The following CSMD1 variants were observed in gnomAD, a reference collection of about 807,000 sequenced individuals.
CSMD1 encodes the protein CUB and sushi domain-containing protein 1.
In CSMD1, 213 loss-of-function variants were observed where a neutral mutation model predicts 417.5. The ratio of observed to expected loss-of-function variants is 0.51; its 90% CI spans 0.46 to 0.57. The LOEUF is 0.57. Among genes scored for constraint, CSMD1 ranks in the 20% least tolerant of loss-of-function variants. CSMD1 has a pLI of 0.00. For synonymous variants in CSMD1, 2,862 were observed against 1,736.8 expected, an observed-to-expected ratio of 1.65 and a Z score of -16.11; for missense variants, 6,923 against 4,529.7, an observed-to-expected ratio of 1.53 and a Z score of -15.17.
At chr8:4,365,992 T>C (rs1273179026) in intron 3 of CSMD1, among the ~76,000 whole-genome samples, 1 of 152,176 alleles carries the variant, frequency 6.6e-6, no homozygotes, top group Non-Finnish European at 1.5e-5. Context: ...AAACTGTGTG[T>C]TGTTGAGGCT....
At chr8:3,707,424 C>G (rs892036093) in intron 7 of CSMD1, among the ~76,000 whole-genome samples, 3 of 152,226 alleles carry the variant, frequency 2.0e-5, no homozygotes, top group Admixed American at 6.5e-5. Flanking sequence ...CAGAGCAAGG[C>G]TAGAAACATC....
intron 3 of CSMD1, among the ~76,000 whole-genome samples, chr8:4,220,379 C>A (rs909217750): frequency 6.6e-6 from 1 of 152,138 alleles, no homozygotes; most frequent in South Asian, 2.1e-4. Context: ...GAGGAGGACC[C>A]ACAGAGGCCT....
intron 2 of CSMD1, among the ~76,000 whole-genome samples, chr8:4,510,048 T>C (rs1332724168): frequency 2.0e-5 from 3 of 152,152 alleles, no homozygotes; most frequent in South Asian, 4.2e-4. Flanking sequence ...TAACTCAATC[T>C]TGGGGGTAGG....
Position 3,586,279 on chromosome 8 carries a change from A to G in CSMD1, c.1098-19T>C. 3 of 1,419,122 alleles carry G rather than the reference A, an allele frequency of 2.1e-6. No individual in the cohort carries two copies. The highest frequency in any genetic ancestry group is 2.5e-5 in the East Asian group (1 of 40,470). The allele number at this position is 1,419,122 out of a possible 1,614,324, so 87.9% of individuals were successfully genotyped here. The stretch of plus-strand genomic sequence containing the variant: ...ACCAACCCTAAGCCGTTAAAAAAGA[A>G]AAAAAAAAACCCAAATTATTTACAG... On this transcript the variant is annotated intron_variant, in intron 8 of 69. Transcript: ENST00000635120.
chr8:3,103,748 T>TAA (rs200241508), intron 46 of CSMD1, among the ~76,000 whole-genome samples: 10 of 137,372 alleles, frequency 7.3e-5, no homozygotes, highest in Non-Finnish European at 1.2e-4. Flanking sequence ...CCTTTTTTTT[T>TAA]TAAAAAAAAA....
intron 3 of CSMD1, among the ~76,000 whole-genome samples, chr8:4,081,417 C>G (rs1040436703): frequency 6.6e-6 from 1 of 152,114 alleles, no homozygotes; most frequent in Non-Finnish European, 1.5e-5. Flanking sequence ...GCAGCTTCCT[C>G]CTTTTTGCCT....
chr8:4,969,776 C>T (rs749714731), intron 1 of CSMD1, among the ~76,000 whole-genome samples: 2 of 152,000 alleles, frequency 1.3e-5, no homozygotes, highest in African/African-American at 2.4e-5. Flanking sequence ...GACAATGAGG[C>T]TGCTATGTGG....
chr8:3,691,062 C>A (rs1800211484), intron 7 of CSMD1, among the ~76,000 whole-genome samples: 1 of 151,976 alleles, frequency 6.6e-6, no homozygotes, highest in Non-Finnish European at 1.5e-5. Flanking sequence ...ATGGCGACAT[C>A]CTCTAGCAAA....
intron 49 of CSMD1, among the ~76,000 whole-genome samples, chr8:3,075,036 A>G (rs1813555246): frequency 6.6e-6 from 1 of 151,996 alleles, no homozygotes; most frequent in Admixed American, 6.6e-5. Flanking sequence ...GAGTTCTTGC[A>G]AGATCCAGCT....
chr8:3,415,649 T>C (rs979951862), intron 12 of CSMD1, among the ~76,000 whole-genome samples: 10 of 152,202 alleles, frequency 6.6e-5, no homozygotes, highest in Admixed American at 1.3e-4. Context: ...CGTGAGCCAT[T>C]GTGCCTGGCC....
rs7826851 is a variant in CSMD1 at position 3,747,349 on chromosome 8, T to C, written c.931+6581A>G. ...AAATTCTAAACAATCCATCATTTTC[T>C]TTGGAAGAGATTGTTCTGATCATCT... On this transcript the variant is annotated intron_variant, in intron 6 of 69. Coordinates refer to ENST00000635120, the MANE Select transcript of CSMD1 (RefSeq NM_033225.6). 6.8e-3 allele frequency among the ~76,000 whole-genome samples: 1,033 copies of C among 152,052 alleles called. 12 individuals are homozygous for C. The highest frequency in any genetic ancestry group is 0.034 in the Middle Eastern group (10 of 294).
At chr8:4,475,946 G>A (rs1800781060) in intron 2 of CSMD1, among the ~76,000 whole-genome samples, 1 of 151,856 alleles carries the variant, frequency 6.6e-6, no homozygotes, top group Non-Finnish European at 1.5e-5. Flanking sequence ...TATTGCTGTT[G>A]GTTTCATTTT....
chr8:4,008,600 C>CTTTTTTTTTTTTTTTT (rs1161117794), intron 4 of CSMD1, among the ~76,000 whole-genome samples: 2 of 80,408 alleles, frequency 2.5e-5, no homozygotes, highest in Non-Finnish European at 4.4e-5. Context: ...TTCTTTTTTT[C>CTTTTTTTTTTTTTTTT]TTTTTTTTTT....
In CSMD1 at chr8:3,706,057, G is replaced by A. The variant is rs547657330; in HGVS notation, c.1009+2357C>T. ...CGGGGCTCATGGTGGGAACGCCTAAGGCACGCATGACGCGCTGGAACGTGG... is the reference window on the plus strand; with the variant it reads ...CGGGGCTCATGGTGGGAACGCCTAAAGCACGCATGACGCGCTGGAACGTGG... On this transcript the variant is annotated intron_variant, in intron 7 of 69. Transcript: ENST00000635120. Among the ~76,000 whole-genome samples, 178 of 152,356 alleles carry A rather than the reference G, an allele frequency of 1.2e-3. 1 individual carries two copies. The highest frequency in any genetic ancestry group is 4.1e-3 in the African/African-American group (172 of 41,588).
intron 10 of CSMD1, among the ~76,000 whole-genome samples, chr8:3,538,026 T>G (rs1446837681): frequency 6.6e-6 from 1 of 152,236 alleles, no homozygotes; most frequent in East Asian, 1.9e-4. Flanking sequence ...AAGACTGTGG[T>G]AAACCCTTTT....
intron 26 of CSMD1, among the ~76,000 whole-genome samples, chr8:3,280,407 A>G (rs148010518): frequency 4.6e-4 from 70 of 152,314 alleles, no homozygotes; most frequent in African/African-American, 1.5e-3. Context: ...AGTCTAGACT[A>G]TGCTTTTTAA....
At position 3,396,160 on chromosome 8, in the gene CSMD1, C is replaced by G. The variant is rs375543847; in HGVS notation, c.2593+34G>C. Reference sequence around the variant, plus strand: ...ATCTTTAGTTCTCCCATGCATGCTGCCCTGCCGGGCTGTCAAGGGAAGGTG... The same window carrying G: ...ATCTTTAGTTCTCCCATGCATGCTGGCCTGCCGGGCTGTCAAGGGAAGGTG... On this transcript the variant is annotated intron_variant, in intron 17 of 69. Coordinates refer to ENST00000635120, the MANE Select transcript of CSMD1 (RefSeq NM_033225.6). 2.6e-6 allele frequency: 4 copies of G among 1,533,090 alleles called. No homozygotes were observed. The Admixed American group carries it at 7.9e-5, about 30-fold the overall frequency. The allele number at this position is 1,533,090 out of a possible 1,614,324, so 95.0% of individuals were successfully genotyped here.
At chr8:3,318,406 G>C (rs1468169054) in intron 23 of CSMD1, among the ~76,000 whole-genome samples, 1 of 152,086 alleles carries the variant, frequency 6.6e-6, no homozygotes, top group South Asian at 2.1e-4. Context: ...TGCCTGCTCG[G>C]CTTCAGATAT....
chr8:4,955,020 C>T (rs1808993592), intron 1 of CSMD1, among the ~76,000 whole-genome samples: 1 of 152,146 alleles, frequency 6.6e-6, no homozygotes, highest in African/African-American at 2.4e-5. Flanking sequence ...GACGAGAAAG[C>T]CAGCTGATTT....
Sources: gnomAD v4.1 joint callset for allele counts (sites outside exome capture counted in the v4.1 genomes callset) on GRCh38, gnomAD v4.1.1 for gene constraint, MANE v1.5 for transcripts, NCBI Gene and HGNC (gene_info 2026-07-23, HGNC 2026-07-21) for gene names.